Variants in GLG1 observed in about 807,000 individuals in gnomAD.
The protein encoded by GLG1 is Golgi apparatus protein 1.
Under a neutral mutation model 160.5 loss-of-function variants are expected in GLG1, and 38 were observed. The observed-to-expected ratio is 0.24, with a 90% CI of 0.18 to 0.31. The LOEUF is 0.31. GLG1 is among the 10% of genes least tolerant of loss of function. The pLI is 1.00. For synonymous variants in GLG1, 644 were observed against 543.4 expected (o/e 1.19, Z -2.57); for missense variants, 1,373 against 1,505.2 (o/e 0.91, Z 1.45).
At position 74,453,143 on chromosome 16, in the gene GLG1, G is replaced by C. The variant is rs371297018; in HGVS notation, c.*24C>G. 1.9e-5 allele frequency: 30 copies of C among 1,611,354 alleles called. No individual in the cohort carries two copies. The highest frequency in any genetic ancestry group is 2.5e-5 in the Non-Finnish European group (30 of 1,178,402). On this transcript the variant is annotated 3_prime_UTR_variant, in exon 26 of 26. Transcript: ENST00000422840. ...GTACAAACTGGGCACTGGATAGGTA[G>C]TTCCTTTGGTGGTCAAGGTGGCTCT...
rs2015192916 is a variant in GLG1, at chr16:74,471,106, A to G, written c.2229+67T>C. 38 of 902,762 alleles carry G rather than the reference A, an allele frequency of 4.2e-5. 1 individual carries two copies. In the South Asian group the frequency reaches 4.9e-4, roughly 12 times the overall value. 55.9% of individuals were successfully genotyped at this position (902,762 alleles called of 1,614,324 possible). ...CATCAGAGGTGCTCTGATGTTCCAAAAAAGGAAAGGATTCAGTCAACATCC... is the reference window on the plus strand; with the variant it reads ...CATCAGAGGTGCTCTGATGTTCCAAGAAAGGAAAGGATTCAGTCAACATCC... On this transcript the variant is annotated intron_variant, in intron 15 of 25. Transcript: ENST00000422840.
intron 4 of GLG1, among the ~76,000 whole-genome samples, chr16:74,498,467 T>TA (rs1555510304): frequency 0.18 from 9,631 of 54,046 alleles, 1,905 homozygotes; most frequent in East Asian, 0.25. Flanking sequence ...TATATATATA[T>TA]TATATTTTAT....
rs2015423024 is a variant in GLG1 at position 74,477,432 on chromosome 16, C to G, written c.1929G>C (p.Leu643=). ...CTGTTTTCTCACTGCACCATTTTCC[C>G]AGATCAATCAGGCACTTATCCTGGA... The part of the protein sequence containing the change: ...PALQDKCLID[L]GKWCSEKTET... The change falls in exon 12 of 26, where the codon CTG becomes CTC. Residue 643 remains leucine, a synonymous_variant. Coordinates refer to ENST00000422840, the MANE Select transcript of GLG1 (RefSeq NM_001145667.2). 1.2e-6 allele frequency: 2 copies of G among 1,612,694 alleles called. No individual in the cohort carries two copies. The highest frequency in any genetic ancestry group is 2.7e-5 in the African/African-American group (2 of 74,872).
At chr16:74,475,107 G>A (rs2015349697) in intron 12 of GLG1, among the ~76,000 whole-genome samples, 1 of 137,606 alleles carries the variant, frequency 7.3e-6, no homozygotes, top group South Asian at 2.2e-4. Flanking sequence ...CAGTAAGCCA[G>A]GATCGTGCCA....
intron 3 of GLG1, among the ~76,000 whole-genome samples, chr16:74,505,943 T>G (rs532131018): frequency 2.7e-5 from 4 of 150,114 alleles, no homozygotes. Flanking sequence ...GGCAGGAGAA[T>G]TGCTTGAACC....
intron 1 of GLG1, among the ~76,000 whole-genome samples, chr16:74,564,211 T>A (rs781529339): frequency 4.1e-4 from 63 of 152,318 alleles, no homozygotes; most frequent in South Asian, 4.1e-4. Flanking sequence ...TGAGCCATCA[T>A]ACCAGGCCTT....
intron 1 of GLG1, among the ~76,000 whole-genome samples, chr16:74,595,061 G>A (rs578154075): frequency 7.2e-5 from 11 of 151,956 alleles, no homozygotes; most frequent in South Asian, 4.2e-4. Context: ...GGTGGCAGAC[G>A]CCTGTAGTCC....
chr16:74,493,793 T>G (rs952435034), intron 6 of GLG1, among the ~76,000 whole-genome samples: 4 of 152,204 alleles, frequency 2.6e-5, no homozygotes, highest in African/African-American at 9.6e-5. Flanking sequence ...GAAAGCACAT[T>G]GATTTGGTTA....
At chr16:74,561,070 C>T (rs1037378591) in intron 1 of GLG1, among the ~76,000 whole-genome samples, 14 of 152,182 alleles carry the variant, frequency 9.2e-5, no homozygotes, top group Admixed American at 8.5e-4. Flanking sequence ...CATGGCAGCA[C>T]CTGGGGGTGC....
chr16:74,456,369 C>T (rs1390444020), intron 25 of GLG1, among the ~76,000 whole-genome samples: 1 of 152,204 alleles, frequency 6.6e-6, no homozygotes, highest in Non-Finnish European at 1.5e-5. Flanking sequence ...ACCGTGTTGG[C>T]CAGGTTGGTC....
chr16:74,582,603 G>A (rs1384909927), intron 1 of GLG1, among the ~76,000 whole-genome samples: 2 of 151,954 alleles, frequency 1.3e-5, no homozygotes, highest in Admixed American at 6.6e-5. Flanking sequence ...GGCGGATCAC[G>A]AGGTCAGGAG....
At chr16:74,585,428 C>T (rs1958026221) in intron 1 of GLG1, among the ~76,000 whole-genome samples, 2 of 151,870 alleles carry the variant, frequency 1.3e-5, no homozygotes, top group African/African-American at 4.8e-5. Context: ...AAAAAGAGGC[C>T]GGGCCTGGTG....
rs1031226177 is a variant in GLG1 at position 74,496,776 on chromosome 16, A to G, written c.775-132T>C. 223 of 646,336 alleles carry G rather than the reference A, an allele frequency of 3.5e-4. 2 individuals carry two copies. In the Admixed American group the frequency reaches 5.5e-3, roughly 16 times the overall value. The allele number at this position is 646,336 out of a possible 1,614,324, so 40.0% of individuals were successfully genotyped here. A position where few individuals can be genotyped will look rare whatever the true frequency, so the allele number is the denominator to read the frequency against. ...GTAATAAAACCCCATCATAGAGTTGACTTATTAACGTTCTACCAAGAAATC... is the reference window on the plus strand; with the variant it reads ...GTAATAAAACCCCATCATAGAGTTGGCTTATTAACGTTCTACCAAGAAATC... On this transcript the variant is annotated intron_variant, in intron 4 of 25. Coordinates refer to ENST00000422840, the MANE Select transcript of GLG1 (RefSeq NM_001145667.2).
intron 8 of GLG1, among the ~76,000 whole-genome samples, chr16:74,488,208 T>C (rs2015859615): frequency 6.6e-6 from 1 of 151,694 alleles, no homozygotes; most frequent in Non-Finnish European, 1.5e-5. Context: ...CACAGACAGG[T>C]ATGGAAGTCT....
chr16:74,456,870 A>G, intron 24 of GLG1, 115 bp from the exon 25 acceptor site: 1 of 711,502 alleles, frequency 1.4e-6, no homozygotes, highest in South Asian at 1.6e-5. Context: ...TGCAGGCTCA[A>G]CAAAGTTAAA....
chr16:74,476,396 G>T (rs1185019327), intron 12 of GLG1, among the ~76,000 whole-genome samples: 1 of 152,162 alleles, frequency 6.6e-6, no homozygotes, highest in South Asian at 2.1e-4. Flanking sequence ...AGCAGGCTCA[G>T]GAAACAGACT....
chr16:74,504,954 G>C (rs1388099297), intron 3 of GLG1, among the ~76,000 whole-genome samples: 1 of 152,186 alleles, frequency 6.6e-6, no homozygotes, highest in Non-Finnish European at 1.5e-5. Context: ...AAGGGTGTTT[G>C]GAAAAGAGCC....
intron 2 of GLG1, among the ~76,000 whole-genome samples, chr16:74,510,083 G>C (rs1323250264): frequency 6.7e-6 from 1 of 148,854 alleles, no homozygotes; most frequent in Non-Finnish European, 1.5e-5. Context: ...CCAGGCTGCA[G>C]TGCAATGGCG....
At chr16:74,521,919 G>A (rs892019599) in intron 2 of GLG1, among the ~76,000 whole-genome samples, 7 of 152,140 alleles carry the variant, frequency 4.6e-5, no homozygotes, top group Admixed American at 2.0e-4. Flanking sequence ...TTGTAACAAC[G>A]CTCTGGGCAG....
Sources: gnomAD v4.1 joint callset for allele counts (sites outside exome capture counted in the v4.1 genomes callset) on GRCh38, gnomAD v4.1.1 for gene constraint, MANE v1.5 for transcripts, NCBI Gene and HGNC (gene_info 2026-07-23, HGNC 2026-07-21) for gene names.